Variants in SAMD5 observed in about 807,000 individuals in gnomAD.
SAMD5 encodes the protein sterile alpha motif domain-containing protein 5.
Under a neutral mutation model 11.3 loss-of-function variants are expected in SAMD5, and 13 were observed. The observed-to-expected ratio is 1.15, with a 90% CI of 0.75 to 1.83. The LOEUF is 1.83. SAMD5 is among the 40% of genes most tolerant of loss of function. The pLI, the probability that SAMD5 is intolerant of heterozygous loss-of-function variation, is 0.00. For synonymous variants in SAMD5, 129 were observed against 111.3 expected (o/e 1.16, Z -1.00); for missense variants, 255 against 239.1 (o/e 1.07, Z -0.44).
the SAMD5 span, among the ~76,000 whole-genome samples, chr6:147,931,196 A>G: frequency 1.3e-5 from 2 of 152,236 alleles, no homozygotes; most frequent in African/African-American, 4.8e-5. Flanking sequence ...GAGATAAAGT[A>G]TAATAATCAT....
chr6:147,928,503 C>A, the SAMD5 span, among the ~76,000 whole-genome samples: 56,739 of 151,836 alleles, frequency 0.37, 12,190 homozygotes, highest in African/African-American at 0.6. Flanking sequence ...CTGTGGCATC[C>A]GTGGTAACAT....
At chr6:147,831,290 G>C in the SAMD5 span, among the ~76,000 whole-genome samples, 1 of 152,186 alleles carries the variant, frequency 6.6e-6, no homozygotes, top group Non-Finnish European at 1.5e-5. Flanking sequence ...TTCTCTTCCT[G>C]TTAGTACCAC....
chr6:147,803,809 G>T, the SAMD5 span, among the ~76,000 whole-genome samples: 1 of 152,142 alleles, frequency 6.6e-6, no homozygotes, highest in Non-Finnish European at 1.5e-5. Context: ...TCTCTTTAGG[G>T]TCTTCCTCCA....
chr6:147,624,070 A>G (rs938057171), intron 1 of SAMD5, among the ~76,000 whole-genome samples: 12 of 152,204 alleles, frequency 7.9e-5, no homozygotes, highest in African/African-American at 2.9e-4. Flanking sequence ...GGGTTTTGCC[A>G]TGTTGGCCAG....
chr6:147,920,079 T>C, the SAMD5 span, among the ~76,000 whole-genome samples: 2 of 152,188 alleles, frequency 1.3e-5, no homozygotes, highest in Non-Finnish European at 2.9e-5. Context: ...AGCATCAACT[T>C]GATTGGATTG....
the SAMD5 span, among the ~76,000 whole-genome samples, chr6:147,788,536 T>C: frequency 6.6e-6 from 1 of 152,372 alleles, no homozygotes; most frequent in East Asian, 1.9e-4. Context: ...ACATCTGTGC[T>C]TGTACCTGCA....
rs116041467 is a variant in SAMD5, at chr6:147,565,715, C to T, written c.*1259C>T. ...CCTCAAATGATCCACTCGCCGTGGC[C>T]TCCAGTAGCGCTGGGATTACAGGCG... On this transcript the variant is annotated 3_prime_UTR_variant, in exon 2 of 2. Transcript: ENST00000367474. The T allele has an allele frequency of 1.3e-3, 1,219 of 953,746 alleles. 9 individuals carry two copies. In the African/African-American group the frequency reaches 0.02, roughly 16 times the overall value. 59.1% of individuals were successfully genotyped at this position (953,746 alleles called of 1,614,324 possible). A position where few individuals can be genotyped will look rare whatever the true frequency, so the allele number is the denominator to read the frequency against.
intron 1 of SAMD5, among the ~76,000 whole-genome samples, chr6:147,667,979 G>T (rs1056446831): frequency 1.5e-4 from 23 of 152,020 alleles, no homozygotes; most frequent in Admixed American, 5.2e-4. Flanking sequence ...ATAGGCTTTT[G>T]TTTTTTGGTA....
intron 1 of SAMD5, among the ~76,000 whole-genome samples, chr6:147,577,043 A>T (rs1455843100): frequency 6.6e-6 from 1 of 152,204 alleles, no homozygotes; most frequent in African/African-American, 2.4e-5. Flanking sequence ...CTCATTTTTT[A>T]AAATTAAGAA....
At chr6:147,763,917 T>A in the SAMD5 span, among the ~76,000 whole-genome samples, 1 of 152,088 alleles carries the variant, frequency 6.6e-6, no homozygotes, top group Non-Finnish European at 1.5e-5. Context: ...TTATCTCGAT[T>A]ACTGAGATTT....
the SAMD5 span, among the ~76,000 whole-genome samples, chr6:147,776,759 GA>G: frequency 2.0e-5 from 3 of 152,182 alleles, no homozygotes; most frequent in Non-Finnish European, 4.4e-5. Context: ...AAGGGATGGA[GA>G]ACAAACAGTT....
intron 1 of SAMD5, among the ~76,000 whole-genome samples, chr6:147,702,426 A>G (rs1157119063): frequency 6.6e-6 from 1 of 152,278 alleles, no homozygotes; most frequent in Non-Finnish European, 1.5e-5. Context: ...GAGCAAGCTC[A>G]GAATAATAGA....
the SAMD5 span, among the ~76,000 whole-genome samples, chr6:147,777,680 T>G: frequency 6.6e-6 from 1 of 152,188 alleles, no homozygotes; most frequent in Non-Finnish European, 1.5e-5. Flanking sequence ...TAATTTCCCA[T>G]TCCTCCTTCT....
At chr6:147,841,562 C>G in the SAMD5 span, among the ~76,000 whole-genome samples, 2 of 152,264 alleles carry the variant, frequency 1.3e-5, no homozygotes, top group African/African-American at 4.8e-5. Context: ...AACACCAGAA[C>G]AAACTAACAT....
chr6:147,517,613 G>A (rs1562310748), intron 1 of SAMD5, among the ~76,000 whole-genome samples: 1 of 152,178 alleles, frequency 6.6e-6, no homozygotes, highest in Admixed American at 6.5e-5. Flanking sequence ...AAATTAGGTA[G>A]TAATCTTGAA....
intron 1 of SAMD5, among the ~76,000 whole-genome samples, chr6:147,522,236 A>G (rs565702164): frequency 6.6e-6 from 1 of 152,294 alleles, no homozygotes; most frequent in East Asian, 1.9e-4. Context: ...TTAAATAATA[A>G]TGACAACTAG....
chr6:147,726,964 C>G (rs922658613), intron 1 of SAMD5, among the ~76,000 whole-genome samples: 6 of 152,170 alleles, frequency 3.9e-5, no homozygotes, highest in African/African-American at 1.4e-4. Context: ...TAATTCCAGC[C>G]TCACCTCTCT....
the SAMD5 span, among the ~76,000 whole-genome samples, chr6:147,842,925 T>C: frequency 6.6e-6 from 1 of 152,198 alleles, no homozygotes; most frequent in Non-Finnish European, 1.5e-5. Flanking sequence ...AGTGGCACGA[T>C]CTTGACTCAT....
chr6:147,850,886 C>T, the SAMD5 span, among the ~76,000 whole-genome samples: 3 of 150,890 alleles, frequency 2.0e-5, no homozygotes, highest in Non-Finnish European at 4.4e-5. Context: ...AACCACCCTT[C>T]TTTTACTTAA....
Sources: allele counts gnomAD v4.1 joint callset (sites outside exome capture counted in the v4.1 genomes callset), GRCh38; gene constraint gnomAD v4.1.1; transcripts MANE v1.5; gene names NCBI Gene and HGNC (gene_info 2026-07-23, HGNC 2026-07-21).